Variants in DENND1B observed in about 807,000 individuals in gnomAD.
The protein encoded by DENND1B is DENN domain containing 1B.
DENND1B carries 59 observed loss-of-function variants against 90.1 expected under a neutral mutation model. That is an observed-to-expected ratio of 0.65 (90% CI 0.53 to 0.81). The LOEUF is 0.81. Ranked by LOEUF, DENND1B falls within the 40% of genes least tolerant of loss-of-function variation. The pLI is 0.00. For missense variants in DENND1B, 862 were observed against 912.6 expected (o/e 0.94, Z 0.71); for synonymous variants, 337 against 324.6 (o/e 1.04, Z -0.41).
intron 20 of DENND1B, among the ~76,000 whole-genome samples, chr1:197,520,531 C>T (rs1003770278): frequency 4.6e-4 from 70 of 151,858 alleles, no homozygotes; most frequent in African/African-American, 1.6e-3. Flanking sequence ...TTATAAACAT[C>T]GGTAAATTCT....
chr1:197,740,172 T>G (rs1235454690), intron 2 of DENND1B, among the ~76,000 whole-genome samples: 1 of 151,730 alleles, frequency 6.6e-6, no homozygotes, highest in Non-Finnish European at 1.5e-5. Context: ...GGTAAAGAAA[T>G]TACTTGTGCA....
At chr1:197,529,203 GATATATATATAT>G (rs71131771) in intron 20 of DENND1B, among the ~76,000 whole-genome samples, 21,036 of 117,100 alleles carry the variant, frequency 0.18, 1,858 homozygotes, top group East Asian at 0.21. Flanking sequence ...AGTTAAGAGT[GATATATATATAT>G]ATATATATAT....
intron 2 of DENND1B, among the ~76,000 whole-genome samples, chr1:197,738,095 C>A (rs1360842128): frequency 7.2e-5 from 11 of 152,160 alleles, no homozygotes; most frequent in Admixed American, 7.2e-4. Context: ...TTCTCTGACA[C>A]CTGTTTATTA....
At chr1:197,579,603 C>T (rs953997701) in intron 15 of DENND1B, among the ~76,000 whole-genome samples, 4 of 152,164 alleles carry the variant, frequency 2.6e-5, no homozygotes, top group Non-Finnish European at 5.9e-5. Flanking sequence ...CTTTCAACTA[C>T]TGTCTCTGTT....
At chr1:197,539,541 TA>T (rs773766610) in intron 20 of DENND1B, among the ~76,000 whole-genome samples, 4 of 152,214 alleles carry the variant, frequency 2.6e-5, no homozygotes, top group Non-Finnish European at 4.4e-5. Flanking sequence ...TAAAATAATC[TA>T]ACTTTAGAAT....
At chr1:197,660,157 G>A (rs564742675) in intron 5 of DENND1B, among the ~76,000 whole-genome samples, 13 of 151,810 alleles carry the variant, frequency 8.6e-5, no homozygotes, top group Non-Finnish European at 1.9e-4. Context: ...TCAATAGAAA[G>A]TTTAGATGAT....
intron 15 of DENND1B, among the ~76,000 whole-genome samples, chr1:197,564,068 T>A (rs1672404067): frequency 6.6e-6 from 1 of 150,936 alleles, no homozygotes; most frequent in African/African-American, 2.4e-5. Context: ...AAGAAAGGAG[T>A]TTCATGAGAT....
chr1:197,519,958 T>A (rs757196859), intron 20 of DENND1B, among the ~76,000 whole-genome samples: 1 of 151,582 alleles, frequency 6.6e-6, no homozygotes, highest in Non-Finnish European at 1.5e-5. Context: ...CAAGGGGGAT[T>A]ATAATAGTAA....
At chr1:197,733,963 C>A (rs184540464) in intron 2 of DENND1B, 48 of 466,978 alleles carry the variant, frequency 1.0e-4, no homozygotes, top group Non-Finnish European at 1.1e-4. Context: ...ATATTCTAAT[C>A]TCTTGCATTT....
chr1:197,662,009 A>G (rs1242698308), intron 5 of DENND1B, among the ~76,000 whole-genome samples: 3 of 152,072 alleles, frequency 2.0e-5, no homozygotes, highest in Non-Finnish European at 4.4e-5. Flanking sequence ...TTTGGTATCT[A>G]CGTAATTATT....
At chr1:197,778,172 A>G (rs1357907108), upstream of DENND1B, among the ~76,000 whole-genome samples, 1 of 152,122 alleles carries the variant, frequency 6.6e-6, no homozygotes, top group Non-Finnish European at 1.5e-5. Context: ...TTTACCTCCA[A>G]TCGTACTTTT....
intron 14 of DENND1B, among the ~76,000 whole-genome samples, chr1:197,594,676 G>T (rs1446595350): frequency 1.3e-5 from 2 of 151,990 alleles, no homozygotes; most frequent in Non-Finnish European, 2.9e-5. Flanking sequence ...AATAATTAGG[G>T]TATTAAAACA....
At chr1:197,635,731 T>A (rs1015863092) in intron 10 of DENND1B, among the ~76,000 whole-genome samples, 1 of 152,162 alleles carries the variant, frequency 6.6e-6, no homozygotes, top group Non-Finnish European at 1.5e-5. Flanking sequence ...GTAAATGCTA[T>A]GATAATTCAG....
chr1:197,686,729 T>G (rs1161109933), intron 3 of DENND1B, among the ~76,000 whole-genome samples: 2 of 152,126 alleles, frequency 1.3e-5, no homozygotes, highest in African/African-American at 2.4e-5. Flanking sequence ...CTCTTTTTTT[T>G]TTTTTGTAAC....
intron 10 of DENND1B, among the ~76,000 whole-genome samples, chr1:197,624,372 A>C (rs184000688): frequency 6.6e-6 from 1 of 151,626 alleles, no homozygotes; most frequent in Admixed American, 6.6e-5. Flanking sequence ...TCCACATGCC[A>C]AAAAAATGAA....
intron 16 of DENND1B, 35 bp from the exon 17 acceptor site, chr1:197,546,808 T>C: frequency 6.6e-7 from 1 of 1,520,692 alleles, no homozygotes; most frequent in Non-Finnish European, 8.8e-7. Flanking sequence ...CAGGAATGGT[T>C]GATCAAAAAT....
intron 18 of DENND1B, among the ~76,000 whole-genome samples, chr1:197,544,493 T>A (rs1470080154): frequency 1.3e-5 from 2 of 151,974 alleles, no homozygotes; most frequent in African/African-American, 4.8e-5. Context: ...TATTAAAGAG[T>A]TTTTTTACTT....
chr1:197,544,893 A>G (rs1206896955), intron 18 of DENND1B, among the ~76,000 whole-genome samples: 23 of 147,582 alleles, frequency 1.6e-4, no homozygotes, highest in South Asian at 2.3e-4. Flanking sequence ...GAAGAGGAAG[A>G]AGAAGAAGAA....
rs754471773 is a variant in DENND1B, at chr1:197,510,727, T to C, written c.2061A>G (p.Gln687=). 3 of 1,612,706 alleles carry C rather than the reference T, an allele frequency of 1.9e-6. No homozygotes were observed. Among genetic ancestry groups the C allele is most frequent in the African/African-American group, 1.3e-5 (1 of 74,896 alleles). The change falls in exon 23 of 23, where the codon CAA becomes CAG. Residue 687 remains glutamine, a synonymous_variant. Coordinates refer to ENST00000620048, the MANE Select transcript of DENND1B (RefSeq NM_001195215.2). ...TCTGGGAAACTTCAGGGGAAGTGAGTTGGAAATCCAGTCCTGAAGTAGGGT... is the reference window on the plus strand; with the variant it reads ...TCTGGGAAACTTCAGGGGAAGTGAGCTGGAAATCCAGTCCTGAAGTAGGGT... ...VSDPTSGLDF[Q]LTSPEVSQTD...
Sources: allele counts gnomAD v4.1 joint callset (sites outside exome capture counted in the v4.1 genomes callset), GRCh38; gene constraint gnomAD v4.1.1; transcripts MANE v1.5; gene names NCBI Gene and HGNC (gene_info 2026-07-23, HGNC 2026-07-21).